The following TEX2 variants were observed in gnomAD, a reference collection of about 807,000 sequenced individuals.
The protein encoded by TEX2 is testis expressed 2.
In TEX2, 53 loss-of-function variants were observed where a neutral mutation model predicts 106.9. The ratio of observed to expected loss-of-function variants is 0.50; its 90% CI spans 0.40 to 0.62. The LOEUF (loss-of-function observed/expected upper bound fraction) is 0.62. TEX2 is among the 20% of genes least tolerant of loss of function. The pLI, the probability that TEX2 is intolerant of heterozygous loss-of-function variation, is 0.00. For missense variants in TEX2, 1,207 were observed against 1,379.0 expected (o/e 0.88, Z 1.98); for synonymous variants, 523 against 534.8 (o/e 0.98, Z 0.30).
At chr17:64,164,891 T>C (rs2031055239) in intron 7 of TEX2, among the ~76,000 whole-genome samples, 2 of 152,246 alleles carry the variant, frequency 1.3e-5, no homozygotes, top group Non-Finnish European at 2.9e-5. Flanking sequence ...CCCGTGGCCA[T>C]GTGAATCTAA....
At chr17:64,202,771 A>C (rs2032711481) in intron 2 of TEX2, among the ~76,000 whole-genome samples, 1 of 152,218 alleles carries the variant, frequency 6.6e-6, no homozygotes, top group South Asian at 2.1e-4. Flanking sequence ...GCTCAACCGA[A>C]AACTCTGAGA....
chr17:64,230,967 C>T (rs1555634545), intron 1 of TEX2, among the ~76,000 whole-genome samples: 4 of 152,338 alleles, frequency 2.6e-5, no homozygotes, highest in Admixed American at 2.6e-4. Flanking sequence ...AGTACTGAAA[C>T]AGCTCATCTC....
chr17:64,238,675 C>G (rs1555635394), intron 1 of TEX2, among the ~76,000 whole-genome samples: 1 of 152,204 alleles, frequency 6.6e-6, no homozygotes, highest in East Asian at 1.9e-4. Context: ...AACTCACTCA[C>G]TATCACAAGA....
intron 1 of TEX2, among the ~76,000 whole-genome samples, chr17:64,231,652 TG>T (rs535333740): frequency 7.0e-4 from 106 of 152,204 alleles, no homozygotes; most frequent in African/African-American, 2.5e-3. Flanking sequence ...TGAAGGGAGG[TG>T]AGAACTGAAT....
chr17:64,182,354 TAG>T (rs964132993), intron 5 of TEX2, among the ~76,000 whole-genome samples: 1 of 152,106 alleles, frequency 6.6e-6, no homozygotes, highest in African/African-American at 2.4e-5. Context: ...TTAATGAGTA[TAG>T]AGTTTCAATT....
At chr17:64,203,591 T>G (rs1470146407) in intron 2 of TEX2, among the ~76,000 whole-genome samples, 2 of 152,138 alleles carry the variant, frequency 1.3e-5, no homozygotes, top group African/African-American at 4.8e-5. Flanking sequence ...TGGGACCGTC[T>G]AATAAACTTT....
intron 4 of TEX2, 93 bp downstream of exon 4, chr17:64,193,466 T>TG: frequency 1.3e-6 from 1 of 794,444 alleles, no homozygotes; most frequent in Non-Finnish European, 1.7e-6. Context: ...AGGGTGGGCT[T>TG]CCTTCCTTCC....
intron 1 of TEX2, among the ~76,000 whole-genome samples, chr17:64,244,415 A>G (rs1555636085): frequency 6.6e-6 from 1 of 152,210 alleles, no homozygotes; most frequent in Non-Finnish European, 1.5e-5. Flanking sequence ...CCTCGCACTC[A>G]TGGATGTTGA....
chr17:64,237,067 C>A (rs2033786159), intron 1 of TEX2, among the ~76,000 whole-genome samples: 1 of 152,202 alleles, frequency 6.6e-6, no homozygotes, highest in African/African-American at 2.4e-5. Flanking sequence ...ATGTGAAGGG[C>A]ACCAAGAGAT....
In TEX2 at chr17:64,239,904, A is replaced by AAAAAAAAG. The variant is rs781859721; in HGVS notation, c.-26+23263_-26+23264insCTTTTTTT. ...AAAAAAAAAAAAAAAAAAAAAAAAA[A>AAAAAAAAG]GCAGAGAAGATAAGAGAAGAGAAAT... On this transcript the variant is annotated intron_variant, in intron 1 of 11. Coordinates refer to ENST00000584379, the MANE Select transcript of TEX2 (RefSeq NM_001288732.2). Among the ~76,000 whole-genome samples the AAAAAAAAG allele has an allele frequency of 1.3e-4, 15 of 118,846 alleles. 1 individual carries two copies. The highest frequency in any genetic ancestry group is 2.8e-4 in the South Asian group (1 of 3,582). 78.0% of individuals were successfully genotyped at this position (118,846 alleles called of 152,430 possible).
chr17:64,159,264 C>T (rs2030774550), intron 8 of TEX2, among the ~76,000 whole-genome samples: 1 of 152,232 alleles, frequency 6.6e-6, no homozygotes, highest in Non-Finnish European at 1.5e-5. Flanking sequence ...GCTCCTTGCA[C>T]AAACGCATCT....
intron 1 of TEX2, among the ~76,000 whole-genome samples, chr17:64,231,237 G>C (rs1455698517): frequency 6.6e-6 from 1 of 152,194 alleles, no homozygotes; most frequent in Non-Finnish European, 1.5e-5. Context: ...CTGTGATGGG[G>C]TTGAACTTCA....
intron 1 of TEX2, among the ~76,000 whole-genome samples, chr17:64,218,779 C>G (rs2033266112): frequency 6.6e-6 from 1 of 152,050 alleles, no homozygotes; most frequent in African/African-American, 2.4e-5. Context: ...GCGTGGAACA[C>G]CAACTGGAGA....
chr17:64,241,771 TA>T (rs1567965087), intron 1 of TEX2, among the ~76,000 whole-genome samples: 1 of 152,176 alleles, frequency 6.6e-6, no homozygotes, highest in Non-Finnish European at 1.5e-5. Context: ...TAGCTAGGAC[TA>T]CAGGCACATG....
At chr17:64,252,949 C>A (rs534471782) in intron 1 of TEX2, among the ~76,000 whole-genome samples, 6 of 152,186 alleles carry the variant, frequency 3.9e-5, no homozygotes, top group Admixed American at 3.9e-4. Context: ...TAGCTCCCTT[C>A]CAACTGGGAA....
intron 8 of TEX2, among the ~76,000 whole-genome samples, chr17:64,158,489 T>C (rs916674905): frequency 6.6e-6 from 1 of 152,124 alleles, no homozygotes; most frequent in African/African-American, 2.4e-5. Flanking sequence ...GTTCCGTGCT[T>C]TGGAGGTTTA....
intron 8 of TEX2, among the ~76,000 whole-genome samples, chr17:64,159,543 T>C (rs574157256): frequency 6.6e-6 from 1 of 152,244 alleles, no homozygotes; most frequent in Non-Finnish European, 1.5e-5. Flanking sequence ...TGGTGTCGGT[T>C]CTCTCAGGCT....
At chr17:64,215,587 T>C (rs1249914330) in intron 1 of TEX2, among the ~76,000 whole-genome samples, 1 of 152,134 alleles carries the variant, frequency 6.6e-6, no homozygotes, top group Non-Finnish European at 1.5e-5. Context: ...AGTACTTGTC[T>C]TTCTACAGCT....
At chr17:64,235,976 G>T (rs1359496004) in intron 1 of TEX2, among the ~76,000 whole-genome samples, 1 of 151,646 alleles carries the variant, frequency 6.6e-6, no homozygotes, top group Non-Finnish European at 1.5e-5. Flanking sequence ...CTGTTACCTG[G>T]TGACTTTGTT....
Sources: gnomAD v4.1 joint callset for allele counts (sites outside exome capture counted in the v4.1 genomes callset) on GRCh38, gnomAD v4.1.1 for gene constraint, MANE v1.5 for transcripts, NCBI Gene and HGNC (gene_info 2026-07-23, HGNC 2026-07-21) for gene names.